GRM8: variants seen among roughly 807,000 people sequenced by gnomAD.
GRM8 encodes glutamate metabotropic receptor 8.
Under a neutral mutation model 87.2 loss-of-function variants are expected in GRM8, and 47 were observed. The ratio of observed to expected loss-of-function variants is 0.54; its 90% CI spans 0.43 to 0.69. The LOEUF is 0.69. GRM8 is among the 30% of genes least tolerant of loss of function. The pLI is 0.00. For synonymous variants in GRM8, 396 were observed against 404.5 expected, an observed-to-expected ratio of 0.98 and a Z score of 0.25; for missense variants, 1,019 against 1,139.2, an observed-to-expected ratio of 0.89 and a Z score of 1.52.
intron 3 of GRM8, among the ~76,000 whole-genome samples, chr7:126,941,905 G>A (rs1806986145): frequency 6.6e-6 from 1 of 152,148 alleles, no homozygotes; most frequent in South Asian, 2.1e-4. Context: ...CAAATATATA[G>A]GATAACCAGA....
At chr7:127,087,734 A>C (rs981393090) in intron 3 of GRM8, among the ~76,000 whole-genome samples, 9 of 152,264 alleles carry the variant, frequency 5.9e-5, no homozygotes, top group African/African-American at 2.2e-4. Context: ...AAATTAGTTA[A>C]GAATAGAGCT....
intron 2 of GRM8, among the ~76,000 whole-genome samples, chr7:127,212,824 C>G (rs1485816557): frequency 6.6e-6 from 1 of 152,188 alleles, no homozygotes; most frequent in Admixed American, 6.5e-5. Flanking sequence ...AAACCACTTC[C>G]AACCAGCCTG....
intron 3 of GRM8, among the ~76,000 whole-genome samples, chr7:126,915,309 C>T (rs932005233): frequency 1.3e-5 from 2 of 152,162 alleles, no homozygotes; most frequent in African/African-American, 2.4e-5. Flanking sequence ...TGAAGAGATT[C>T]AATCGACACT....
intron 2 of GRM8, among the ~76,000 whole-genome samples, chr7:127,155,550 G>C (rs1364577038): frequency 6.6e-6 from 1 of 152,154 alleles, no homozygotes; most frequent in Non-Finnish European, 1.5e-5. Flanking sequence ...AGAAGGGAAA[G>C]GCTGAGTTAC....
intron 9 of GRM8, among the ~76,000 whole-genome samples, chr7:126,504,661 T>A (rs1035188259): frequency 6.6e-6 from 1 of 152,070 alleles, no homozygotes; most frequent in Non-Finnish European, 1.5e-5. Context: ...TAAAAGTTTT[T>A]AAAAATTACA....
intron 3 of GRM8, among the ~76,000 whole-genome samples, chr7:126,909,283 A>C (rs1054336066): frequency 6.6e-6 from 1 of 152,234 alleles, no homozygotes; most frequent in African/African-American, 2.4e-5. Flanking sequence ...TGGTTTAAAA[A>C]ATAAAATGAA....
chr7:126,520,194 G>A (rs529416135), intron 9 of GRM8, among the ~76,000 whole-genome samples: 1 of 151,938 alleles, frequency 6.6e-6, no homozygotes, highest in Non-Finnish European at 1.5e-5. Flanking sequence ...AAGAAGAGAA[G>A]TCTAAAAAGA....
chr7:126,742,052 C>T (rs1815070094), intron 7 of GRM8, among the ~76,000 whole-genome samples: 1 of 151,888 alleles, frequency 6.6e-6, no homozygotes, highest in South Asian at 2.1e-4. Context: ...CAAAGCCACC[C>T]ACAGGAAAAG....
rs513 is a variant in GRM8, at chr7:126,456,519, T to TAAAAAAAAAAAAAAAAAAAA, written c.2431-10167_2431-10148dup. ...TCCTAAGTGTAAGAAAGCAGCAAGC[T>TAAAAAAAAAAAAAAAAAAAA]AAAAAAAAAAAAAAAAAAAAAAAAA... On this transcript the variant is annotated intron_variant, in intron 9 of 10. Coordinates refer to ENST00000339582, the MANE Select transcript of GRM8 (RefSeq NM_000845.3). 8.3e-4 allele frequency among the ~76,000 whole-genome samples: 58 copies of TAAAAAAAAAAAAAAAAAAAA among 69,678 alleles called. 6 individuals carry two copies. The highest frequency in any genetic ancestry group is 1.1e-3 in the Admixed American group (7 of 6,500). The allele number at this position is 69,678 out of a possible 152,430, so 45.7% of individuals were successfully genotyped here.
chr7:126,940,992 T>C (rs1284873985), intron 3 of GRM8, among the ~76,000 whole-genome samples: 1 of 152,226 alleles, frequency 6.6e-6, no homozygotes, highest in Non-Finnish European at 1.5e-5. Flanking sequence ...GTGCTGATAA[T>C]GAGGGACAGA....
In GRM8 at chr7:126,533,989, A is replaced by C. The variant is rs1815275556; in HGVS notation, c.1495-102T>G. ...ATGAATCACAGAATGCTGACAGTAC[A>C]AATACAGTTTACCATAATAAGAGTC... On this transcript the variant is annotated intron_variant, in intron 8 of 10. Transcript: ENST00000339582. 56 of 827,996 alleles carry C rather than the reference A, an allele frequency of 6.8e-5. 2 individuals carry two copies. In the South Asian group the frequency reaches 9.7e-4, roughly 14 times the overall value. 51.3% of individuals were successfully genotyped at this position (827,996 alleles called of 1,614,324 possible). A position where few individuals can be genotyped will look rare whatever the true frequency, so the allele number is the denominator to read the frequency against.
intron 8 of GRM8, among the ~76,000 whole-genome samples, chr7:126,546,781 G>A (rs1202144947): frequency 6.6e-6 from 1 of 152,084 alleles, no homozygotes; most frequent in Non-Finnish European, 1.5e-5. Context: ...TCTCCAGCTA[G>A]GATTATTCTA....
chr7:126,985,987 G>T (rs1563382853), intron 3 of GRM8, among the ~76,000 whole-genome samples: 1 of 151,954 alleles, frequency 6.6e-6, no homozygotes, highest in African/African-American at 2.4e-5. Context: ...TTTCATGAGG[G>T]TTAAATGTAT....
chr7:126,729,421 T>C lies in GRM8; in HGVS notation c.1357+40444A>G, dbSNP rs1009129642. 1.1e-4 allele frequency among the ~76,000 whole-genome samples: 16 copies of C among 152,216 alleles called. No individual in the cohort carries two copies. The Middle Eastern group carries it at 0.014, about 129-fold the overall frequency. ...TATCTCAGCTTCCTTACCCCTTGGG[T>C]GGAAAAATTAAGGCCATGTCGATTC... On this transcript the variant is annotated intron_variant, in intron 7 of 10. Coordinates refer to ENST00000339582, the MANE Select transcript of GRM8 (RefSeq NM_000845.3).
chr7:126,928,291 G>T (rs1022237800), intron 3 of GRM8, among the ~76,000 whole-genome samples: 2 of 152,084 alleles, frequency 1.3e-5, no homozygotes, highest in African/African-American at 2.4e-5. Context: ...AGATTAATGT[G>T]TGCAGCAAAC....
At chr7:126,481,006 AG>A (rs1806606888) in intron 9 of GRM8, among the ~76,000 whole-genome samples, 1 of 152,142 alleles carries the variant, frequency 6.6e-6, no homozygotes, top group Non-Finnish European at 1.5e-5. Flanking sequence ...GGCATGCCAA[AG>A]GTAAACAGGA....
intron 2 of GRM8, among the ~76,000 whole-genome samples, chr7:127,189,460 C>T (rs773862663): frequency 1.5e-4 from 23 of 152,258 alleles, no homozygotes; most frequent in Admixed American, 2.6e-4. Context: ...AAGGACTGTA[C>T]GCCTAAATAT....
Position 127,220,229 on chromosome 7 carries a change from G to C in GRM8, c.510+22466C>G, listed in dbSNP as rs1587310154. 2.6e-5 allele frequency among the ~76,000 whole-genome samples: 4 copies of C among 152,230 alleles called. No homozygotes were observed. The South Asian group carries it at 8.3e-4, about 32-fold the overall frequency. ...TTATCTTTTCTCACTAGCCCCCAGA[G>C]CTGTCCAGTTCCAGCACATGGACAT... On this transcript the variant is annotated intron_variant, in intron 2 of 10. Transcript: ENST00000339582.
chr7:127,091,860 C>A (rs1369996255), intron 3 of GRM8, among the ~76,000 whole-genome samples: 1 of 86,530 alleles, frequency 1.2e-5, no homozygotes, highest in African/African-American at 4.7e-5. Context: ...CCGCCAATGA[C>A]CCCCCCGCCG....
Sources: allele counts gnomAD v4.1 joint callset (sites outside exome capture counted in the v4.1 genomes callset), GRCh38; gene constraint gnomAD v4.1.1; transcripts MANE v1.5; gene names NCBI Gene and HGNC (gene_info 2026-07-23, HGNC 2026-07-21).